Variants in ARHGAP10 observed in about 807,000 individuals in gnomAD.
ARHGAP10 encodes the protein Rho GTPase activating protein 10.
In ARHGAP10, 87 loss-of-function variants were observed where a neutral mutation model predicts 108.6. The observed-to-expected ratio is 0.80, with a 90% CI of 0.67 to 0.96. The LOEUF is 0.96. Ranked by LOEUF, ARHGAP10 falls within the 40% of genes least tolerant of loss-of-function variation. The pLI is 0.00. For missense variants in ARHGAP10, 939 were observed against 954.5 expected, an observed-to-expected ratio of 0.98 and a Z score of 0.21; for synonymous variants, 347 against 341.1, an observed-to-expected ratio of 1.02 and a Z score of -0.19.
chr4:147,950,406 T>C (rs1738553119), intron 15 of ARHGAP10, among the ~76,000 whole-genome samples: 1 of 152,162 alleles, frequency 6.6e-6, no homozygotes, highest in Non-Finnish European at 1.5e-5. Flanking sequence ...GAGCAGGAGG[T>C]CTGGAGCCAG....
chr4:147,958,101 A>G (rs1358532790), intron 16 of ARHGAP10, among the ~76,000 whole-genome samples: 2 of 152,174 alleles, frequency 1.3e-5, no homozygotes, highest in African/African-American at 2.4e-5. Context: ...GGGGAATACA[A>G]AAGATTGTGT....
chr4:147,759,691 A>G (rs1373379464), intron 1 of ARHGAP10, among the ~76,000 whole-genome samples: 1 of 151,658 alleles, frequency 6.6e-6, no homozygotes, highest in Non-Finnish European at 1.5e-5. Flanking sequence ...AATGATTGAG[A>G]TATTTTGCAT....
intron 1 of ARHGAP10, among the ~76,000 whole-genome samples, chr4:147,815,869 C>T (rs1732221607): frequency 6.6e-6 from 1 of 152,148 alleles, no homozygotes; most frequent in South Asian, 2.1e-4. Flanking sequence ...GTCCTGCTGA[C>T]ACCTTGATTT....
intron 18 of ARHGAP10, among the ~76,000 whole-genome samples, chr4:147,995,556 A>G (rs531695498): frequency 2.6e-5 from 4 of 152,358 alleles, no homozygotes; most frequent in African/African-American, 9.6e-5. Context: ...TCTAAAACAG[A>G]TATCTCAAAC....
chr4:147,743,322 C>T (rs895612976), intron 1 of ARHGAP10, among the ~76,000 whole-genome samples: 1 of 152,076 alleles, frequency 6.6e-6, no homozygotes, highest in Non-Finnish European at 1.5e-5. Flanking sequence ...TAAGCCACCG[C>T]GCCCAGCCGA....
chr4:148,025,896 G>T (rs948099944), intron 19 of ARHGAP10, among the ~76,000 whole-genome samples: 1 of 151,950 alleles, frequency 6.6e-6, no homozygotes, highest in Admixed American at 6.5e-5. Context: ...GACAACTTTG[G>T]TTGATTATTT....
At chr4:147,788,858 A>G (rs145347850) in intron 1 of ARHGAP10, among the ~76,000 whole-genome samples, 15 of 152,376 alleles carry the variant, frequency 9.8e-5, no homozygotes, top group Non-Finnish European at 1.8e-4. Context: ...TTATTAAGCT[A>G]CAAGCTGTAC....
intron 15 of ARHGAP10, among the ~76,000 whole-genome samples, chr4:147,954,415 T>TG (rs1464819068): frequency 6.6e-6 from 1 of 152,076 alleles, no homozygotes; most frequent in African/African-American, 2.4e-5. Flanking sequence ...TTTGGCTTCA[T>TG]GATGAGTTGA....
intron 1 of ARHGAP10, among the ~76,000 whole-genome samples, chr4:147,784,749 ATATTATAAAATGTATATTATAAATATAAT>A (rs1730775712): frequency 8.4e-5 from 2 of 23,924 alleles, no homozygotes; most frequent in Non-Finnish European, 2.6e-4. Context: ...TTATAAATAT[ATATTATAAAATGTATATTATAAATATAAT>A]ATATTATAAA....
At chr4:147,750,614 TG>T (rs397969316) in intron 1 of ARHGAP10, among the ~76,000 whole-genome samples, 8 of 150,230 alleles carry the variant, frequency 5.3e-5, no homozygotes, top group Admixed American at 3.3e-4. Flanking sequence ...TTTTTTTTTT[TG>T]GGGGGGGTTG....
At chr4:147,964,364 G>A (rs528073303) in intron 16 of ARHGAP10, among the ~76,000 whole-genome samples, 4 of 152,298 alleles carry the variant, frequency 2.6e-5, no homozygotes, top group African/African-American at 9.6e-5. Flanking sequence ...TAGAGGCTTT[G>A]CCCGCATTCC....
intron 8 of ARHGAP10, among the ~76,000 whole-genome samples, chr4:147,876,743 A>G (rs1735080513): frequency 6.6e-6 from 1 of 152,228 alleles, no homozygotes; most frequent in Admixed American, 6.5e-5. Flanking sequence ...TTGGACTGAA[A>G]CAACATAACA....
chr4:147,784,018 A>G (rs1730692024), intron 1 of ARHGAP10, among the ~76,000 whole-genome samples: 1 of 138,472 alleles, frequency 7.2e-6, no homozygotes, highest in African/African-American at 2.6e-5. Context: ...TTATTATATA[A>G]TTATATAACA....
intron 1 of ARHGAP10, among the ~76,000 whole-genome samples, chr4:147,799,686 G>A (rs1731495837): frequency 6.6e-6 from 1 of 152,120 alleles, no homozygotes; most frequent in African/African-American, 2.4e-5. Flanking sequence ...TCACTTCTGA[G>A]ATTTTCTAGT....
Position 147,751,883 on chromosome 4 carries a change from GT to G in ARHGAP10, c.154+19449del, listed in dbSNP as rs371998598. Among the ~76,000 whole-genome samples, 550 of 126,304 alleles carry G rather than the reference GT, an allele frequency of 4.4e-3. 3 individuals carry two copies. The highest frequency in any genetic ancestry group is 9.3e-3 in the African/African-American group (319 of 34,282). The allele number at this position is 126,304 out of a possible 152,430, so 82.9% of individuals were successfully genotyped here. The stretch of plus-strand genomic sequence containing the variant: ...AGTTATACACTTTCTGAAGCCTTTA[GT>G]TTTTTTTTTTTTTTTTTTTTAAGAT... On this transcript the variant is annotated intron_variant, in intron 1 of 22. Coordinates refer to ENST00000336498, the MANE Select transcript of ARHGAP10 (RefSeq NM_024605.4).
intron 1 of ARHGAP10, among the ~76,000 whole-genome samples, chr4:147,811,452 T>G (rs900924886): frequency 1.3e-5 from 2 of 152,202 alleles, no homozygotes; most frequent in African/African-American, 4.8e-5. Flanking sequence ...TCTTGACTTG[T>G]AAGCATGGCC....
At chr4:148,002,923 G>T (rs1211679383) in intron 18 of ARHGAP10, among the ~76,000 whole-genome samples, 2 of 151,958 alleles carry the variant, frequency 1.3e-5, no homozygotes, top group African/African-American at 4.8e-5. Flanking sequence ...CTTCAATTCT[G>T]CTCTGATCTT....
intron 1 of ARHGAP10, among the ~76,000 whole-genome samples, chr4:147,777,652 C>T (rs1730354408): frequency 6.6e-6 from 1 of 152,178 alleles, no homozygotes; most frequent in South Asian, 2.1e-4. Flanking sequence ...CACTGGATCA[C>T]ACTGACTGAC....
At chr4:147,738,400 T>C (rs1294323295) in intron 1 of ARHGAP10, among the ~76,000 whole-genome samples, 1 of 151,716 alleles carries the variant, frequency 6.6e-6, no homozygotes, top group Non-Finnish European at 1.5e-5. Context: ...AAATAAAAAA[T>C]AAATTAGCCG....
Sources: allele counts gnomAD v4.1 joint callset (sites outside exome capture counted in the v4.1 genomes callset), GRCh38; gene constraint gnomAD v4.1.1; transcripts MANE v1.5; gene names NCBI Gene and HGNC (gene_info 2026-07-23, HGNC 2026-07-21).